PXK: variants seen among roughly 807,000 people sequenced by gnomAD.
The protein encoded by PXK is PX domain containing serine/threonine kinase like.
In PXK, 35 loss-of-function variants were observed where a neutral mutation model predicts 84.7. The observed-to-expected ratio is 0.41, with a 90% CI of 0.32 to 0.55. The LOEUF is 0.55. PXK is among the 20% of genes least tolerant of loss of function. The pLI, the probability that PXK is intolerant of heterozygous loss-of-function variation, is 0.21. For synonymous variants in PXK, 253 were observed against 260.8 expected, an observed-to-expected ratio of 0.97 and a Z score of 0.29; for missense variants, 634 against 699.7, an observed-to-expected ratio of 0.91 and a Z score of 1.06.
At position 58,416,062 on chromosome 3, in the gene PXK, A is replaced by G. The variant is rs2060912962; in HGVS notation, c.1528+3099A>G. On this transcript the variant is annotated intron_variant, in intron 17 of 17. Coordinates refer to ENST00000356151, the MANE Select transcript of PXK (RefSeq NM_017771.5). The surrounding 1 kb of genome is among the most constrained non-coding windows in gnomAD (Gnocchi z 4.8). ...AGCCTCTCAAGAAGAAACTTAGAAC[A>G]AAGGACGGTGGGATTGATAATAGGT... is the stretch of plus-strand genomic sequence containing the variant. Among the ~76,000 whole-genome samples the G allele has an allele frequency of 6.6e-6, 1 of 152,202 alleles. No individual in the cohort carries two copies. Among genetic ancestry groups the G allele is most frequent in the Non-Finnish European group, 1.5e-5 (1 of 68,030 alleles).
chr3:58,367,293 G>A (rs2098287004), intron 2 of PXK, among the ~76,000 whole-genome samples: 1 of 151,188 alleles, frequency 6.6e-6, no homozygotes. Context: ...CACCCAGGCT[G>A]CAGTGCAGTG....
chr3:58,402,274 C>A (rs6780183), intron 12 of PXK, among the ~76,000 whole-genome samples: 17,857 of 139,112 alleles, frequency 0.13, 1,549 homozygotes, highest in African/African-American at 0.26. Context: ...CTCTCTCCCC[C>A]CTTCTTCTTT....
chr3:58,332,964 G>A lies in PXK; in HGVS notation c.-25G>A. On this transcript the variant is annotated 5_prime_UTR_variant, in exon 1 of 18. Coordinates refer to ENST00000356151, the MANE Select transcript of PXK (RefSeq NM_017771.5). The surrounding 1 kb of genome is among the most constrained non-coding windows in gnomAD (Gnocchi z 5.6). ...CTCGGGTTCCTACCTCGCGTCCCTA[G>A]GCGGCGGCGGCCGGGCGTCCCGGGA... 7.5e-7 allele frequency: 1 copy of A among 1,325,170 alleles called. No homozygotes were observed. Among genetic ancestry groups the A allele is most frequent in the Non-Finnish European group, 9.8e-7 (1 of 1,019,648 alleles). The allele number at this position is 1,325,170 out of a possible 1,614,324, so 82.1% of individuals were successfully genotyped here. A position where few individuals can be genotyped will look rare whatever the true frequency, so the allele number is the denominator to read the frequency against.
chr3:58,391,430 T>A (rs2098630255), intron 6 of PXK, among the ~76,000 whole-genome samples: 1 of 152,036 alleles, frequency 6.6e-6, no homozygotes. Context: ...AGTAAACATT[T>A]GAAAAGAAAC....
chr3:58,413,109 AGT>A (rs2060454128), intron 17 of PXK, 146 bp downstream of exon 17: 1 of 855,508 alleles, frequency 1.2e-6, no homozygotes. Flanking sequence ...GCAAATTAGC[AGT>A]GTCATTTGGG....
Position 58,389,336 on chromosome 3 carries a change from C to T in PXK, c.389-1246C>T, listed in dbSNP as rs115614321. Among the ~76,000 whole-genome samples, 1,027 of 152,230 alleles carry T rather than the reference C, an allele frequency of 6.7e-3. 4 individuals carry two copies. The highest frequency in any genetic ancestry group is 0.017 in the Middle Eastern group (5 of 294). ...ATAGTACTTGGAGCAACATTAAATA[C>T]TGTTTCCAGCTGACTTTAGAACATG... On this transcript the variant is annotated intron_variant, in intron 4 of 17. Coordinates refer to ENST00000356151, the MANE Select transcript of PXK (RefSeq NM_017771.5).
intron 17 of PXK, among the ~76,000 whole-genome samples, chr3:58,417,871 T>C (rs1241472341): frequency 6.6e-6 from 1 of 152,212 alleles, no homozygotes; most frequent in Non-Finnish European, 1.5e-5. Flanking sequence ...AGACAGGGTC[T>C]CTCTCTGTCA....
chr3:58,354,164 C>T (rs775965633), intron 1 of PXK, among the ~76,000 whole-genome samples: 1 of 152,262 alleles, frequency 6.6e-6, no homozygotes, highest in Middle Eastern at 3.4e-3. Flanking sequence ...TTTCCTCCAG[C>T]AGAGGGAAAT....
chr3:58,373,152 A>C (rs1359870226), intron 3 of PXK, among the ~76,000 whole-genome samples: 1 of 146,378 alleles, frequency 6.8e-6, no homozygotes, highest in South Asian at 2.1e-4. Context: ...ATCTCTGCTC[A>C]CTGCAAGCTC....
chr3:58,349,922 T>C (rs777330393), intron 1 of PXK, among the ~76,000 whole-genome samples: 1 of 152,144 alleles, frequency 6.6e-6, no homozygotes, highest in Non-Finnish European at 1.5e-5. Flanking sequence ...CCTGCAGCCA[T>C]TGGGGTTTTG....
At chr3:58,420,610 C>G (rs764667491) in intron 17 of PXK, 31 of 1,535,808 alleles carry the variant, frequency 2.0e-5, no homozygotes, top group Non-Finnish European at 2.7e-5. Context: ...TAAAGATGCT[C>G]TGTTTCTGTG....
At chr3:58,376,991 C>A (rs2098448720) in intron 3 of PXK, among the ~76,000 whole-genome samples, 2 of 152,124 alleles carry the variant, frequency 1.3e-5, no homozygotes, top group African/African-American at 4.8e-5. Context: ...AAGTGATTGG[C>A]TTGGATGTGC....
chr3:58,374,458 G>C (rs1267950230), intron 3 of PXK, among the ~76,000 whole-genome samples: 1 of 152,150 alleles, frequency 6.6e-6, no homozygotes, highest in Admixed American at 6.5e-5. Context: ...ACAGGTGTGA[G>C]CCACGGCGCC....
chr3:58,334,932 T>G (rs796621544), intron 1 of PXK, among the ~76,000 whole-genome samples: 1 of 120,558 alleles, frequency 8.3e-6, no homozygotes, highest in African/African-American at 3.9e-5. Context: ...TGTAAGGGTG[T>G]GTGTGTGTGT....
intron 1 of PXK, among the ~76,000 whole-genome samples, chr3:58,344,606 C>T (rs567113848): frequency 6.6e-6 from 1 of 152,160 alleles, no homozygotes; most frequent in South Asian, 2.1e-4. Flanking sequence ...GGCAGATCAC[C>T]TGAGGCCAGG....
Position 58,413,018 on chromosome 3 carries a change from G to C in PXK, c.1528+55G>C. ...CTTCCTGTCCGCCAACAGGAGGAGC[G>C]GGCTGTGCCTCTTCCTGCCTTGGCC... is the stretch of plus-strand genomic sequence containing the variant. On this transcript the variant is annotated intron_variant, in intron 17 of 17. Transcript: ENST00000356151. 4 of 1,575,980 alleles carry C rather than the reference G, an allele frequency of 2.5e-6. No individual in the cohort carries two copies. The South Asian group carries it at 3.3e-5, about 13-fold the overall frequency.
At position 58,332,925 on chromosome 3, in the gene PXK, G is replaced by A; in HGVS notation, c.-64G>A. The A allele has an allele frequency of 1.8e-6, 2 of 1,082,576 alleles. No homozygotes were observed. The highest frequency in any genetic ancestry group is 2.4e-6 in the Non-Finnish European group (2 of 841,742). 67.1% of individuals were successfully genotyped at this position (1,082,576 alleles called of 1,614,324 possible). A position where few individuals can be genotyped will look rare whatever the true frequency, so the allele number is the denominator to read the frequency against. The stretch of plus-strand genomic sequence containing the variant: ...CGGCGGCGGTGGAACCGGGCGGGCG[G>A]CGGGAGTCGGCGCCTCGGGTTCCTA... On this transcript the variant is annotated 5_prime_UTR_variant, in exon 1 of 18. Coordinates refer to ENST00000356151, the MANE Select transcript of PXK (RefSeq NM_017771.5). This position sits in a 1 kb window ranked among gnomAD's most constrained non-coding sequence, Gnocchi z 5.6.
At position 58,409,264 on chromosome 3, in the gene PXK, G is replaced by A. The variant is rs1328347439; in HGVS notation, c.1308+263G>A. 2.6e-5 allele frequency among the ~76,000 whole-genome samples: 4 copies of A among 152,064 alleles called. No homozygotes were observed. The highest frequency in any genetic ancestry group is 2.1e-4 in the South Asian group (1 of 4,828). On this transcript the variant is annotated intron_variant, in intron 14 of 17. Transcript: ENST00000356151. The surrounding 1 kb of genome is among the most constrained non-coding windows in gnomAD (Gnocchi z 4.2). ...GAGCATGCCGGCCGGTGATAGTTGCGGGCATGCATGGTCCATGCTGTCTCA... is the reference window on the plus strand; with the variant it reads ...GAGCATGCCGGCCGGTGATAGTTGCAGGCATGCATGGTCCATGCTGTCTCA...
intron 1 of PXK, among the ~76,000 whole-genome samples, chr3:58,353,454 G>T (rs1273591963): frequency 1.3e-5 from 2 of 152,096 alleles, no homozygotes; most frequent in Non-Finnish European, 2.9e-5. Flanking sequence ...GGCAGTTTTT[G>T]CATATTATTA....
Sources: gnomAD v4.1 joint callset for allele counts (sites outside exome capture counted in the v4.1 genomes callset) on GRCh38, gnomAD v4.1.1 for gene constraint, Gnocchi (gnomAD v3.1) non-coding constraint, MANE v1.5 for transcripts, NCBI Gene and HGNC (gene_info 2026-07-23, HGNC 2026-07-21) for gene names.